The following NHS variants were observed in gnomAD, a reference collection of about 807,000 sequenced individuals.
NHS encodes NHS actin remodeling regulator.
A neutral mutation model predicts 72.5 loss-of-function variants in NHS; 5 were observed. The observed-to-expected ratio is 0.07, with a 90% CI of 0.04 to 0.14. The LOEUF is 0.14. Ranked by LOEUF, NHS falls within the 10% of genes least tolerant of loss-of-function variation. NHS has a pLI of 1.00. For synonymous variants in NHS, 464 were observed against 547.7 expected, an observed-to-expected ratio of 0.85 and a Z score of 2.13; for missense variants, 1,072 against 1,355.7, an observed-to-expected ratio of 0.79 and a Z score of 3.29.
chrX:17,501,372 G>A (rs2065035733), intron 1 of NHS, among the ~76,000 whole-genome samples: 1 of 108,967 alleles, frequency 9.2e-6, no homozygotes, highest in East Asian at 2.9e-4. Flanking sequence ...AAAAAGTGGG[G>A]GGATTAGGAT....
rs147488146 is a variant in NHS, at chrX:17,645,633, A to G, written c.566-42109A>G. The stretch of plus-strand genomic sequence containing the variant: ...ATTTCAGAGTTCTATCAGCATCATC[A>G]CTAGGCCATCTTGGATACATATTGA... On this transcript the variant is annotated intron_variant, in intron 1 of 8. Transcript: ENST00000676302. Among the ~76,000 whole-genome samples the G allele has an allele frequency of 7.1e-3, 794 of 111,598 alleles. 8 individuals carry two copies. The highest frequency in any genetic ancestry group is 0.025 in the African/African-American group (761 of 30,712).
At chrX:17,439,121 G>C (rs1436000916) in intron 1 of NHS, among the ~76,000 whole-genome samples, 2 of 71,420 alleles carry the variant, frequency 2.8e-5, no homozygotes, top group Non-Finnish European at 4.9e-5. Flanking sequence ...TAGCAGGGGT[G>C]GGGGGTGGGG....
At chrX:17,721,764 C>A (rs995822902) in intron 5 of NHS, 131 bp downstream of exon 5, 30 of 545,825 alleles carry the variant, frequency 5.5e-5, no homozygotes, top group Admixed American at 1.2e-4. Context: ...AAATACAAAC[C>A]CAGAGGATGT....
At chrX:17,680,927 C>T (rs1437030315) in intron 1 of NHS, among the ~76,000 whole-genome samples, 4 of 112,282 alleles carry the variant, frequency 3.6e-5, no homozygotes, top group African/African-American at 1.3e-4. Flanking sequence ...TGAAGATAAA[C>T]AAGTAAATTA....
intron 1 of NHS, among the ~76,000 whole-genome samples, chrX:17,659,412 C>T (rs912831678): frequency 4.5e-5 from 5 of 112,290 alleles, no homozygotes; most frequent in Admixed American, 3.8e-4. Flanking sequence ...ACATAAAAGG[C>T]TCCTACAGGG....
intron 1 of NHS, among the ~76,000 whole-genome samples, chrX:17,455,409 A>C (rs576981300): frequency 8.9e-6 from 1 of 111,851 alleles, no homozygotes; most frequent in Middle Eastern, 4.6e-3. Flanking sequence ...AACATATTCC[A>C]TAGCTCATTC....
At chrX:17,586,118 G>A (rs2065574504) in intron 1 of NHS, 1 of 111,115 alleles carries the variant, frequency 9.0e-6, no homozygotes, top group Non-Finnish European at 1.9e-5. Flanking sequence ...CAGCTCTGGG[G>A]CCTGGGACAA....
At chrX:17,723,770 T>TGTGTGTGCGTGCGC (rs541219770) in intron 5 of NHS, among the ~76,000 whole-genome samples, 1 of 91,337 alleles carries the variant, frequency 1.1e-5, no homozygotes, top group Non-Finnish European at 2.1e-5. Flanking sequence ...TGTGTGTGTG[T>TGTGTGTGCGTGCGC]GCGCGCGCGT....
chrX:17,682,089 T>C (rs958535584), intron 1 of NHS, among the ~76,000 whole-genome samples: 2 of 110,607 alleles, frequency 1.8e-5, no homozygotes, highest in Non-Finnish European at 3.8e-5. Flanking sequence ...TACTTTACCC[T>C]GTTCCTTCCT....
chrX:17,717,116 C>A (rs892003634), intron 3 of NHS, among the ~76,000 whole-genome samples: 3 of 110,583 alleles, frequency 2.7e-5, no homozygotes, highest in Non-Finnish European at 5.7e-5. Context: ...TACAGGCATG[C>A]GCCACCACGC....
At chrX:17,490,317 G>T (rs1407931187) in intron 1 of NHS, among the ~76,000 whole-genome samples, 3 of 112,067 alleles carry the variant, frequency 2.7e-5, no homozygotes, top group Admixed American at 9.4e-5. Context: ...TGTAAGAAAG[G>T]GGTTCAGTTT....
At position 17,421,226 on chromosome X, in the gene NHS, C is replaced by CGT. The variant is rs773736556; in HGVS notation, c.565+44922_565+44923dup. On this transcript the variant is annotated intron_variant, in intron 1 of 8. Coordinates refer to ENST00000676302, the MANE Select transcript of NHS (RefSeq NM_001291867.2). Reference sequence around the variant, plus strand: ...GGCAGCCACATCAAAAGCAGCTCTACGTGTGTGTGTGTGTGTGTGCGCGCA... The same window carrying CGT: ...GGCAGCCACATCAAAAGCAGCTCTACGTGTGTGTGTGTGTGTGTGTGCGCGCA... Among the ~76,000 whole-genome samples, 362 of 99,681 alleles carry CGT rather than the reference C, an allele frequency of 3.6e-3. 1 individual carries two copies. Among genetic ancestry groups the CGT allele is most frequent in the African/African-American group, 9.7e-3 (247 of 25,537 alleles). The allele number at this position is 99,681 out of a possible 115,157, so 86.6% of individuals were successfully genotyped here.
intron 1 of NHS, among the ~76,000 whole-genome samples, chrX:17,537,609 T>C (rs2065233987): frequency 8.9e-6 from 1 of 112,239 alleles, no homozygotes; most frequent in Non-Finnish European, 1.9e-5. Flanking sequence ...GGAGGTGGCC[T>C]GTTGGCTCAG....
At chrX:17,535,397 C>G (rs1205388388) in intron 1 of NHS, among the ~76,000 whole-genome samples, 1 of 111,211 alleles carries the variant, frequency 9.0e-6, no homozygotes, top group Non-Finnish European at 1.9e-5. Flanking sequence ...AAAAGCACCC[C>G]CAACACTGCC....
intron 1 of NHS, among the ~76,000 whole-genome samples, chrX:17,685,471 G>C (rs1601835304): frequency 8.9e-6 from 1 of 111,742 alleles, no homozygotes; most frequent in African/African-American, 3.3e-5. Flanking sequence ...ATTACTCTTT[G>C]TATCTGTGAA....
intron 1 of NHS, among the ~76,000 whole-genome samples, chrX:17,611,562 A>G (rs1448152706): frequency 8.9e-6 from 1 of 111,898 alleles, no homozygotes; most frequent in Admixed American, 9.5e-5. Flanking sequence ...TTTTTTTAAT[A>G]GAAACTTGTC....
At chrX:17,609,998 G>A (rs2065701738) in intron 1 of NHS, among the ~76,000 whole-genome samples, 1 of 111,955 alleles carries the variant, frequency 8.9e-6, no homozygotes, top group South Asian at 3.8e-4. Context: ...GGTCCAGGAG[G>A]TAATTGGAAG....
At chrX:17,553,217 G>A (rs776209127) in intron 1 of NHS, among the ~76,000 whole-genome samples, 126 of 112,581 alleles carry the variant, frequency 1.1e-3, no homozygotes, top group African/African-American at 3.8e-3. Context: ...TTTCCTTTGG[G>A]GTATGGAATT....
At chrX:17,665,265 C>T (rs2066004493) in intron 1 of NHS, among the ~76,000 whole-genome samples, 1 of 92,854 alleles carries the variant, frequency 1.1e-5, no homozygotes, top group Non-Finnish European at 2.1e-5. Context: ...TTTTAAAATT[C>T]TTCCCAATCT....
Sources: allele counts gnomAD v4.1 joint callset (sites outside exome capture counted in the v4.1 genomes callset), GRCh38; gene constraint gnomAD v4.1.1; transcripts MANE v1.5; gene names NCBI Gene and HGNC (gene_info 2026-07-23, HGNC 2026-07-21).